SERPINA6: variants seen among roughly 807,000 people sequenced by gnomAD.
SERPINA6 encodes serpin family A member 6, also known as corticosteroid-binding globulin.
Under a neutral mutation model 26.4 loss-of-function variants are expected in SERPINA6, and 19 were observed. The ratio of observed to expected loss-of-function variants is 0.72; its 90% confidence interval spans 0.50 to 1.06. The LOEUF (loss-of-function observed/expected upper bound fraction) is 1.06. Ranked by LOEUF, SERPINA6 falls within the 50% of genes least tolerant of loss-of-function variation. The pLI, the probability that SERPINA6 is intolerant of heterozygous loss-of-function variation, is 0.00. For synonymous variants in SERPINA6, 196 were observed against 199.4 expected (o/e 0.98, Z 0.14); for missense variants, 473 against 504.0 (o/e 0.94, Z 0.59).
chr14:94,305,586 A>G lies in SERPINA6; in HGVS notation c.1032+485T>C, dbSNP rs74076001. 5.9e-3 allele frequency among the ~76,000 whole-genome samples: 895 copies of G among 152,318 alleles called. 9 individuals carry two copies. The highest frequency in any genetic ancestry group is 0.021 in the African/African-American group (870 of 41,562). On this transcript the variant is annotated intron_variant, in intron 4 of 4. Transcript: ENST00000341584. ...ACACATCTGAGTAACGGGGGCATAC[A>G]CAGGGCCTACACAGTTTGGGATATA...
At position 94,314,184 on chromosome 14, in the gene SERPINA6, G is replaced by A. The variant is rs752049879; in HGVS notation, c.465C>T (p.Val155=). The change falls in exon 2 of 5, where the codon GTC becomes GTT. Residue 155 remains valine, a synonymous_variant. Transcript: ENST00000341584. ...ADIKHYYESE[V]LAMNFQDWAT... Reference sequence around the variant, plus strand: ...CCCAGTCCTGGAAATTCATAGCCAAGACCTCTGACTCATAGTAGTGCTTGA... The same window carrying A: ...CCCAGTCCTGGAAATTCATAGCCAAAACCTCTGACTCATAGTAGTGCTTGA... The A allele has an allele frequency of 6.2e-7, 1 of 1,614,236 alleles. No homozygotes were observed. Among genetic ancestry groups the A allele is most frequent in the Admixed American group, 1.7e-5 (1 of 60,038 alleles).
At chr14:94,312,456 G>A in intron 2 of SERPINA6, among the ~76,000 whole-genome samples, 1 of 152,200 alleles carries the variant, frequency 6.6e-6, no homozygotes, top group East Asian at 1.9e-4. Flanking sequence ...CATGCACCAA[G>A]CATTAAACAA....
chr14:94,319,420 T>C (rs1555364595), intron 1 of SERPINA6, among the ~76,000 whole-genome samples: 1 of 152,192 alleles, frequency 6.6e-6, no homozygotes, highest in Non-Finnish European at 1.5e-5. Flanking sequence ...ATTAAACAAA[T>C]TGTCATTTGA....
In SERPINA6 at chr14:94,304,421, C is replaced by T. The variant is rs1455160798; in HGVS notation, c.1215G>A (p.Val405=). ...GAGGCTCTGGGTGGGTGGTCTCTTA[C>T]ACTGGGTTCATAACCCTCGCCAGGA... The part of the protein sequence containing the change: ...SLFLARVMNP[V] The change falls in exon 5 of 5, where the codon GTG becomes GTA. Residue 405 remains valine, a synonymous_variant. Coordinates refer to ENST00000341584, the MANE Select transcript of SERPINA6 (RefSeq NM_001756.4). The T allele has an allele frequency of 1.9e-6, 3 of 1,613,980 alleles. No homozygotes were observed. Among genetic ancestry groups the T allele is most frequent in the African/African-American group, 1.3e-5 (1 of 74,918 alleles).
chr14:94,308,711 T>G (rs1403391012), intron 3 of SERPINA6, among the ~76,000 whole-genome samples: 1 of 152,244 alleles, frequency 6.6e-6, no homozygotes, highest in Admixed American at 6.5e-5. Context: ...GGCTGCGCAC[T>G]TGCATGACAA....
At chr14:94,320,749 TC>T (rs1295387982) in intron 1 of SERPINA6, among the ~76,000 whole-genome samples, 1 of 151,928 alleles carries the variant, frequency 6.6e-6, no homozygotes, top group African/African-American at 2.4e-5. Flanking sequence ...AACCCTTAGT[TC>T]TCCTGAGTCT....
chr14:94,304,702 G>A, intron 4 of SERPINA6, 99 bp from the exon 5 acceptor site: 1 of 1,025,392 alleles, frequency 9.8e-7, no homozygotes, highest in Non-Finnish European at 1.5e-6. Context: ...TTTTAGGAAG[G>A]TAAATCCAGG....
At chr14:94,314,689 T>A (rs1044082970) in intron 1 of SERPINA6, 22 bp from the exon 2 acceptor site, 1 of 1,604,750 alleles carries the variant, frequency 6.2e-7, no homozygotes, top group Non-Finnish European at 8.5e-7. Context: ...GAAAAGCTTG[T>A]TAGATGCTGT....
At chr14:94,308,412 AT>A (rs1330039771) in intron 3 of SERPINA6, among the ~76,000 whole-genome samples, 1 of 150,650 alleles carries the variant, frequency 6.6e-6, no homozygotes, top group Non-Finnish European at 1.5e-5. Flanking sequence ...GCTTCCGTTT[AT>A]GTGCATTGAA....
At chr14:94,314,734 G>A (rs1205469948) in intron 1 of SERPINA6, 67 bp from the exon 2 acceptor site, 20 of 1,502,294 alleles carry the variant, frequency 1.3e-5, no homozygotes, top group Non-Finnish European at 1.8e-5. Flanking sequence ...TAGTGCAAGA[G>A]GAGGCAGGCA....
At position 94,318,352 on chromosome 14, in the gene SERPINA6, C is replaced by T. The variant is rs571637261; in HGVS notation, c.-19-3685G>A. ...AAATTTATATAAAAATCTCAAGGGA[C>T]CTGGATAGCCAAAACAATACTGAAG... On this transcript the variant is annotated intron_variant, in intron 1 of 4. Transcript: ENST00000341584. 1.4e-3 allele frequency among the ~76,000 whole-genome samples: 220 copies of T among 152,180 alleles called. 2 individuals are homozygous for T. Among genetic ancestry groups the T allele is most frequent in the Non-Finnish European group, 1.8e-3 (124 of 68,016 alleles).
At chr14:94,315,894 C>A (rs759579320) in intron 1 of SERPINA6, among the ~76,000 whole-genome samples, 1 of 150,598 alleles carries the variant, frequency 6.6e-6, no homozygotes, top group African/African-American at 2.4e-5. Flanking sequence ...ATTCTATTCT[C>A]ATCCCTTTGT....
intron 2 of SERPINA6, among the ~76,000 whole-genome samples, chr14:94,311,224 G>A (rs944153646): frequency 5.9e-5 from 9 of 152,234 alleles, no homozygotes; most frequent in East Asian, 5.8e-4. Flanking sequence ...CTCACCGTCC[G>A]TCTGTCTCAC....
intron 4 of SERPINA6, among the ~76,000 whole-genome samples, chr14:94,305,038 T>A (rs1379756977): frequency 6.6e-6 from 1 of 152,208 alleles, no homozygotes. Flanking sequence ...TGTAAATCTT[T>A]GACTGTTGAT....
intron 2 of SERPINA6, among the ~76,000 whole-genome samples, chr14:94,313,655 T>G (rs909274294): frequency 6.6e-6 from 1 of 152,024 alleles, no homozygotes; most frequent in Non-Finnish European, 1.5e-5. Context: ...CAGGATGGCT[T>G]TGGGGGCATC....
At chr14:94,305,010 T>G (rs1000778367) in intron 4 of SERPINA6, among the ~76,000 whole-genome samples, 5 of 152,226 alleles carry the variant, frequency 3.3e-5, no homozygotes, top group Admixed American at 6.5e-5. Context: ...TTGGGAAAGC[T>G]GAGGCAGAAT....
At chr14:94,305,227 C>T (rs1895420176) in intron 4 of SERPINA6, among the ~76,000 whole-genome samples, 1 of 152,196 alleles carries the variant, frequency 6.6e-6, no homozygotes, top group Non-Finnish European at 1.5e-5. Context: ...CAAGCACACT[C>T]AGGCTCTGGT....
intron 1 of SERPINA6, among the ~76,000 whole-genome samples, chr14:94,320,819 G>T (rs912172482): frequency 6.6e-6 from 1 of 152,094 alleles, no homozygotes; most frequent in Non-Finnish European, 1.5e-5. Flanking sequence ...AACCCCTGTT[G>T]GCTGCTCTAG....
intron 2 of SERPINA6, 39 bp from the exon 3 acceptor site, chr14:94,310,045 A>G (rs758301254): frequency 6.2e-7 from 1 of 1,610,218 alleles, no homozygotes; most frequent in South Asian, 1.1e-5. Context: ...GGCAGAGAGG[A>G]AAACACAGTT....
Sources: allele counts gnomAD v4.1 joint callset (sites outside exome capture counted in the v4.1 genomes callset), GRCh38; gene constraint gnomAD v4.1.1; transcripts MANE v1.5; gene names NCBI Gene and HGNC (gene_info 2026-07-23, HGNC 2026-07-21).